Variants in SIPA1L2 observed in about 807,000 individuals in gnomAD.
The protein encoded by SIPA1L2 is signal-induced proliferation-associated 1-like protein 2.
A neutral mutation model predicts 163.9 loss-of-function variants in SIPA1L2; 56 were observed. The observed-to-expected ratio is 0.34, with a 90% CI of 0.28 to 0.43. The LOEUF is 0.43. SIPA1L2 is among the 20% of genes least tolerant of loss of function. The pLI is 1.00. For missense variants in SIPA1L2, 1,974 were observed against 2,193.5 expected (o/e 0.90, Z 2.00); for synonymous variants, 877 against 865.7 (o/e 1.01, Z -0.23).
At chr1:232,504,032 A>T (rs1049083057) in intron 3 of SIPA1L2, among the ~76,000 whole-genome samples, 1 of 151,982 alleles carries the variant, frequency 6.6e-6, no homozygotes, top group African/African-American at 2.4e-5. Context: ...CTCTACAATA[A>T]ACCTAAAAAA....
At chr1:232,597,295 G>T (rs1168021683) in intron 1 of SIPA1L2, among the ~76,000 whole-genome samples, 2 of 152,094 alleles carry the variant, frequency 1.3e-5, no homozygotes, top group East Asian at 3.9e-4. Context: ...CAGAGGAAAA[G>T]GCACAAGGTG....
intron 16 of SIPA1L2, among the ~76,000 whole-genome samples, chr1:232,430,294 A>G (rs564281815): frequency 1.5e-4 from 23 of 152,360 alleles, no homozygotes; most frequent in Non-Finnish European, 2.9e-4. Context: ...AGAAACTCAC[A>G]AAGGACATTT....
At chr1:232,448,749 C>G (rs1663366103) in intron 10 of SIPA1L2, among the ~76,000 whole-genome samples, 1 of 152,266 alleles carries the variant, frequency 6.6e-6, no homozygotes, top group African/African-American at 2.4e-5. Context: ...GGCCAAGTGA[C>G]AAGGGAGATT....
At chr1:232,559,900 C>T (rs789653) in intron 2 of SIPA1L2, among the ~76,000 whole-genome samples, 20,948 of 152,164 alleles carry the variant, frequency 0.14, 2,608 homozygotes, top group East Asian at 0.55. Context: ...CAGATATAAA[C>T]TGACTATCTG....
intron 1 of SIPA1L2, among the ~76,000 whole-genome samples, chr1:232,581,863 A>G (rs1573120086): frequency 6.6e-6 from 1 of 152,124 alleles, no homozygotes; most frequent in Non-Finnish European, 1.5e-5. Context: ...ATTCCCCACA[A>G]AACTTTCTCA....
At chr1:232,435,065 C>T (rs537302390) in intron 15 of SIPA1L2, among the ~76,000 whole-genome samples, 4 of 152,202 alleles carry the variant, frequency 2.6e-5, no homozygotes, top group African/African-American at 4.8e-5. Context: ...TTCCACTACC[C>T]GTGTGTCTCA....
At chr1:232,458,262 G>T (rs112580763) in intron 10 of SIPA1L2, among the ~76,000 whole-genome samples, 2 of 152,198 alleles carry the variant, frequency 1.3e-5, no homozygotes, top group African/African-American at 2.4e-5. Context: ...TCCATTAAGA[G>T]AATTTGCATT....
intron 2 of SIPA1L2, among the ~76,000 whole-genome samples, chr1:232,554,019 T>C (rs924070063): frequency 2.6e-5 from 4 of 152,298 alleles, no homozygotes; most frequent in Middle Eastern, 3.4e-3. Context: ...CCTGACTCCA[T>C]CCAGGACATT....
At chr1:232,423,196 G>A (rs944477373) in intron 18 of SIPA1L2, among the ~76,000 whole-genome samples, 6 of 152,316 alleles carry the variant, frequency 3.9e-5, no homozygotes, top group Admixed American at 2.0e-4. Flanking sequence ...TGCTGAGTAC[G>A]TTTAAGGTAG....
intron 2 of SIPA1L2, among the ~76,000 whole-genome samples, chr1:232,542,833 G>T (rs1265542865): frequency 6.6e-6 from 1 of 152,190 alleles, no homozygotes; most frequent in African/African-American, 2.4e-5. Context: ...GTGAGGAACT[G>T]CACATTCCTT....
At chr1:232,564,877 T>G (rs2247721) in intron 2 of SIPA1L2, among the ~76,000 whole-genome samples, 1 of 151,682 alleles carries the variant, frequency 6.6e-6, no homozygotes, top group African/African-American at 2.4e-5. Flanking sequence ...GGGAGGGGAA[T>G]GACACACACT....
At chr1:232,576,234 C>T (rs1660070690) in intron 1 of SIPA1L2, among the ~76,000 whole-genome samples, 1 of 152,212 alleles carries the variant, frequency 6.6e-6, no homozygotes. Context: ...AGGTTTGTGG[C>T]AACCCTGCAT....
intron 3 of SIPA1L2, among the ~76,000 whole-genome samples, chr1:232,494,587 T>C (rs1357434139): frequency 3.3e-5 from 5 of 152,226 alleles, no homozygotes; most frequent in Non-Finnish European, 1.5e-5. Context: ...CAACTCCCTT[T>C]AGACTGCTGG....
At chr1:232,603,786 C>A (rs1296827270) in intron 1 of SIPA1L2, among the ~76,000 whole-genome samples, 2 of 152,092 alleles carry the variant, frequency 1.3e-5, no homozygotes, top group African/African-American at 4.8e-5. Flanking sequence ...TCAGGCCCTG[C>A]TCTAACACCA....
rs1227148053 is a variant in SIPA1L2, at chr1:232,402,376, T to C, written c.5022+16A>G. 1 of 1,609,104 alleles carries C rather than the reference T, an allele frequency of 6.2e-7. No homozygotes were observed. Among genetic ancestry groups the C allele is most frequent in the East Asian group, 2.2e-5 (1 of 44,818 alleles). Reference sequence around the variant, plus strand: ...ATAAGAGAAACAGTTCTGATTATGCTCTTCCAATTGATTACCTTCCGAAGG... The same window carrying C: ...ATAAGAGAAACAGTTCTGATTATGCCCTTCCAATTGATTACCTTCCGAAGG... On this transcript the variant is annotated intron_variant, in intron 22 of 22. Coordinates refer to ENST00000674635, the MANE Select transcript of SIPA1L2 (RefSeq NM_020808.5).
intron 7 of SIPA1L2, among the ~76,000 whole-genome samples, chr1:232,477,635 T>C (rs1011902182): frequency 6.6e-6 from 1 of 152,194 alleles, no homozygotes; most frequent in African/African-American, 2.4e-5. Flanking sequence ...TATCCCCCAG[T>C]TGCATCTACA....
At chr1:232,574,723 G>A (rs760991215) in intron 1 of SIPA1L2, among the ~76,000 whole-genome samples, 3 of 152,062 alleles carry the variant, frequency 2.0e-5, no homozygotes, top group Non-Finnish European at 4.4e-5. Flanking sequence ...TTTTAAGAAC[G>A]TCAAAGGAAT....
chr1:232,541,268 T>C (rs915571919), intron 2 of SIPA1L2, among the ~76,000 whole-genome samples: 4 of 107,608 alleles, frequency 3.7e-5, no homozygotes, highest in African/African-American at 1.3e-4. Context: ...TAACATAACA[T>C]AACATAACAT....
rs556021582 is a variant in SIPA1L2 at position 232,492,948 on chromosome 1, C to T, written c.1617+579G>A. Among the ~76,000 whole-genome samples the T allele has an allele frequency of 3.3e-5, 5 of 152,064 alleles. No individual in the cohort carries two copies. The South Asian group carries it at 6.2e-4, about 19-fold the overall frequency. ...GAAGGAAATAAAATTTGGGAGGGGC[C>T]GGGGGCAAAATGATATGGGTTAGAT... On this transcript the variant is annotated intron_variant, in intron 4 of 22. Coordinates refer to ENST00000674635, the MANE Select transcript of SIPA1L2 (RefSeq NM_020808.5).
Sources: allele counts gnomAD v4.1 joint callset (sites outside exome capture counted in the v4.1 genomes callset), GRCh38; gene constraint gnomAD v4.1.1; transcripts MANE v1.5; gene names NCBI Gene and HGNC (gene_info 2026-07-23, HGNC 2026-07-21).